Variants in CEP128 observed in about 807,000 individuals in gnomAD.
CEP128 encodes centrosomal protein 128kDa.
In CEP128, 132 loss-of-function variants were observed where a neutral mutation model predicts 156.7. The observed-to-expected ratio is 0.84, with a 90% CI of 0.73 to 0.97. The LOEUF is 0.97. CEP128 is among the 50% of genes least tolerant of loss of function. The pLI, the probability that CEP128 is intolerant of heterozygous loss-of-function variation, is 0.00. For missense variants in CEP128, 1,252 were observed against 1,281.9 expected, an observed-to-expected ratio of 0.98 and a Z score of 0.36; for synonymous variants, 469 against 448.9, an observed-to-expected ratio of 1.04 and a Z score of -0.57.
intron 2 of CEP128, among the ~76,000 whole-genome samples, chr14:80,957,483 A>T (rs779044806): frequency 7.2e-5 from 11 of 152,188 alleles, no homozygotes; most frequent in Non-Finnish European, 1.6e-4. Flanking sequence ...AAAAAAACTT[A>T]AGTGAATAAA....
rs113165628 is a variant in CEP128, at chr14:80,597,091, T to C, written c.2807-16668A>G. On this transcript the variant is annotated intron_variant, in intron 19 of 24. Coordinates refer to ENST00000555265, the MANE Select transcript of CEP128 (RefSeq NM_152446.5). ...CAATGAAATTGAGAACAGGAGACAA[T>C]AGAGAACAAGAGGGAAAAAAAAGTC... Among the ~76,000 whole-genome samples, 600 of 147,538 alleles carry C rather than the reference T, an allele frequency of 4.1e-3. 7 individuals carry two copies. The highest frequency in any genetic ancestry group is 0.035 in the South Asian group (165 of 4,654).
chr14:80,627,744 T>C (rs1388660041), intron 19 of CEP128, among the ~76,000 whole-genome samples: 3 of 148,976 alleles, frequency 2.0e-5, no homozygotes, highest in Non-Finnish European at 3.0e-5. Flanking sequence ...TATTTTCTTT[T>C]TTTTTTTTTT....
At chr14:80,817,877 A>G (rs1445760297) in intron 13 of CEP128, among the ~76,000 whole-genome samples, 1 of 152,088 alleles carries the variant, frequency 6.6e-6, no homozygotes, top group East Asian at 1.9e-4. Flanking sequence ...AGAAAAAAAA[A>G]AAAAGAAAGA....
At chr14:80,598,549 A>G (rs1892440714) in intron 19 of CEP128, among the ~76,000 whole-genome samples, 1 of 152,192 alleles carries the variant, frequency 6.6e-6, no homozygotes, top group Admixed American at 6.5e-5. Flanking sequence ...TTCTCTCCAA[A>G]CTAATATGCA....
At chr14:80,869,935 A>G (rs1348654293) in intron 8 of CEP128, among the ~76,000 whole-genome samples, 2 of 152,128 alleles carry the variant, frequency 1.3e-5, no homozygotes, top group Non-Finnish European at 2.9e-5. Context: ...TGATACCACA[A>G]AAATACAAAG....
chr14:80,529,683 C>T (rs1001651676), intron 22 of CEP128, among the ~76,000 whole-genome samples: 1 of 152,162 alleles, frequency 6.6e-6, no homozygotes, highest in Non-Finnish European at 1.5e-5. Context: ...CATATTGTCT[C>T]CTATCACACT....
intron 19 of CEP128, among the ~76,000 whole-genome samples, chr14:80,681,750 T>A (rs1226352320): frequency 6.6e-6 from 1 of 152,212 alleles, no homozygotes; most frequent in Non-Finnish European, 1.5e-5. Flanking sequence ...CATGCTGAAC[T>A]GTGAGTCAAT....
intron 9 of CEP128, among the ~76,000 whole-genome samples, chr14:80,849,943 C>T (rs559572898): frequency 1.3e-4 from 19 of 151,798 alleles, no homozygotes; most frequent in African/African-American, 4.6e-4. Flanking sequence ...TGCACAGCTT[C>T]GAAATATTAA....
intron 19 of CEP128, among the ~76,000 whole-genome samples, chr14:80,623,547 G>A (rs1057142089): frequency 1.3e-5 from 2 of 150,940 alleles, no homozygotes; most frequent in Non-Finnish European, 3.0e-5. Flanking sequence ...CATCAGCTCT[G>A]GTCAGAAATA....
Position 80,666,080 on chromosome 14 carries a change from A to G in CEP128, c.2806+76995T>C, listed in dbSNP as rs1411556684. On this transcript the variant is annotated intron_variant, in intron 19 of 24. Transcript: ENST00000555265. ...ATCAGGAGAGGACAACCACCAGGGT[A>G]GTTAATTTTACAACTCTATTAAGCT... is the stretch of plus-strand genomic sequence containing the variant. 2.6e-5 allele frequency among the ~76,000 whole-genome samples: 4 copies of G among 152,222 alleles called. No individual in the cohort carries two copies. The South Asian group carries it at 6.2e-4, about 24-fold the overall frequency.
At chr14:80,723,752 T>C (rs767890457) in intron 19 of CEP128, among the ~76,000 whole-genome samples, 5 of 152,224 alleles carry the variant, frequency 3.3e-5, no homozygotes, top group Admixed American at 6.5e-5. Flanking sequence ...TGAGCAGGGT[T>C]CCTCAAAGCC....
At chr14:80,527,088 T>C (rs1889008828) in intron 22 of CEP128, 106 bp from the exon 23 acceptor site, 4 of 603,498 alleles carry the variant, frequency 6.6e-6, no homozygotes, top group Non-Finnish European at 1.2e-5. Context: ...TGAAAATAAA[T>C]AATTACAAAA....
At chr14:80,903,954 AGACTACTATAT>A (rs1480353655) in intron 6 of CEP128, among the ~76,000 whole-genome samples, 1 of 152,152 alleles carries the variant, frequency 6.6e-6, no homozygotes, top group Non-Finnish European at 1.5e-5. Flanking sequence ...ACTAAAAATA[AGACTACTATAT>A]GACCCATTAA....
intron 2 of CEP128, among the ~76,000 whole-genome samples, chr14:80,925,822 G>T (rs986277029): frequency 6.6e-6 from 1 of 152,144 alleles, no homozygotes; most frequent in Non-Finnish European, 1.5e-5. Flanking sequence ...GAGCATGAGT[G>T]GGGAGGAGAG....
chr14:80,716,033 G>A (rs187670576), intron 19 of CEP128, among the ~76,000 whole-genome samples: 1 of 152,320 alleles, frequency 6.6e-6, no homozygotes, highest in East Asian at 1.9e-4. Flanking sequence ...TGGAGACAGA[G>A]AGACCAGCAG....
rs199634233 is a variant in CEP128, at chr14:80,525,631, A to T, written c.3072+1238T>A. Among the ~76,000 whole-genome samples, 11 of 152,348 alleles carry T rather than the reference A, an allele frequency of 7.2e-5. No homozygotes were observed. In the East Asian group the frequency reaches 2.1e-3, roughly 29 times the overall value. On this transcript the variant is annotated intron_variant, in intron 23 of 24. Coordinates refer to ENST00000555265, the MANE Select transcript of CEP128 (RefSeq NM_152446.5). ...GGAAGATGATTTAGGGAACTTAAAAATTGCCATACGAGACAAGGTCACCAC... is the reference window on the plus strand; with the variant it reads ...GGAAGATGATTTAGGGAACTTAAAATTTGCCATACGAGACAAGGTCACCAC...
intron 13 of CEP128, among the ~76,000 whole-genome samples, chr14:80,824,715 G>A (rs1885374913): frequency 6.6e-6 from 1 of 152,108 alleles, no homozygotes; most frequent in South Asian, 2.1e-4. Context: ...TCAGCATTTT[G>A]GGCAAAGCCA....
chr14:80,891,454 A>G (rs539020787), intron 8 of CEP128, among the ~76,000 whole-genome samples: 4 of 152,200 alleles, frequency 2.6e-5, no homozygotes, highest in African/African-American at 9.6e-5. Context: ...AGCCAGGCAC[A>G]GAAAGAAAAA....
intron 19 of CEP128, among the ~76,000 whole-genome samples, chr14:80,683,068 T>C (rs936751880): frequency 5.9e-5 from 9 of 151,848 alleles, no homozygotes; most frequent in African/African-American, 2.2e-4. Context: ...AACCATACAA[T>C]AGAAACTACA....
Sources: gnomAD v4.1 joint callset for allele counts (sites outside exome capture counted in the v4.1 genomes callset) on GRCh38, gnomAD v4.1.1 for gene constraint, MANE v1.5 for transcripts, NCBI Gene and HGNC (gene_info 2026-07-23, HGNC 2026-07-21) for gene names.